Variants in CASP8 observed in about 807,000 individuals in gnomAD.
CASP8 encodes caspase 8, also known as caspase-8.
A neutral mutation model predicts 46.3 loss-of-function variants in CASP8; 24 were observed. The observed-to-expected ratio is 0.52, with a 90% CI of 0.38 to 0.73. CASP8 has a LOEUF of 0.73. Ranked by LOEUF, CASP8 falls within the 30% of genes least tolerant of loss-of-function variation. The pLI, the probability that CASP8 is intolerant of heterozygous loss-of-function variation, is 0.00. For missense variants in CASP8, 460 were observed against 559.0 expected, an observed-to-expected ratio of 0.82 and a Z score of 1.79; for synonymous variants, 188 against 200.4, an observed-to-expected ratio of 0.94 and a Z score of 0.52.
At chr2:201,253,750 AATATT>A (rs1946891157) in intron 2 of CASP8, among the ~76,000 whole-genome samples, 2 of 152,072 alleles carry the variant, frequency 1.3e-5, no homozygotes, top group Admixed American at 1.3e-4. Context: ...GTGCCTCAAG[AATATT>A]GGGGATCCTC....
chr2:201,270,687 A>T (rs998262403), intron 2 of CASP8, among the ~76,000 whole-genome samples: 3 of 151,884 alleles, frequency 2.0e-5, no homozygotes, highest in Non-Finnish European at 2.9e-5. Flanking sequence ...ATGCCACCAC[A>T]CCCGGCTAAT....
intron 2 of CASP8, among the ~76,000 whole-genome samples, chr2:201,253,974 G>A (rs1489357973): frequency 2.6e-5 from 4 of 151,894 alleles, no homozygotes; most frequent in Admixed American, 6.6e-5. Context: ...CCAGCTACTC[G>A]GGAGGCTGAG....
At position 201,271,374 on chromosome 2, in the gene CASP8, A is replaced by G. The variant is rs1371424292; in HGVS notation, c.306-142A>G. 1.4e-5 allele frequency: 10 copies of G among 698,512 alleles called. No homozygotes were observed. In the East Asian group the frequency reaches 2.7e-4, roughly 19 times the overall value. The allele number at this position is 698,512 out of a possible 1,614,324, so 43.3% of individuals were successfully genotyped here. A position where few individuals can be genotyped will look rare whatever the true frequency, so the allele number is the denominator to read the frequency against. On this transcript the variant is annotated intron_variant, in intron 2 of 8. Coordinates refer to ENST00000673742, the MANE Select transcript of CASP8 (RefSeq NM_001372051.1). ...TGTGTCACCACACCAGCCTCTTTCCAAGGGCTCAACTCATAAACCATGCCA... is the reference window on the plus strand; with the variant it reads ...TGTGTCACCACACCAGCCTCTTTCCGAGGGCTCAACTCATAAACCATGCCA...
At position 201,265,907 on chromosome 2, in the gene CASP8, G is replaced by A. The variant is rs34637372; in HGVS notation, c.-26-554G>A. Among the ~76,000 whole-genome samples, 302 of 151,764 alleles carry A rather than the reference G, an allele frequency of 2.0e-3. 3 individuals carry two copies. The highest frequency in any genetic ancestry group is 6.7e-3 in the African/African-American group (278 of 41,346). On this transcript the variant is annotated intron_variant, in intron 1 of 8. Coordinates refer to ENST00000673742, the MANE Select transcript of CASP8 (RefSeq NM_001372051.1). ...AGCCCTTCTCCCAGGCTAAGTTAAG[G>A]TTTCTTCCTCTACATCCCTACCACA...
intron 2 of CASP8, among the ~76,000 whole-genome samples, chr2:201,243,699 T>C (rs1330651098): frequency 6.6e-6 from 1 of 152,222 alleles, no homozygotes; most frequent in Non-Finnish European, 1.5e-5. Flanking sequence ...AATATCGTTA[T>C]TAATGTATTG....
At chr2:201,235,666 A>G (rs1393463394) in intron 2 of CASP8, among the ~76,000 whole-genome samples, 1 of 152,204 alleles carries the variant, frequency 6.6e-6, no homozygotes, top group South Asian at 2.1e-4. Context: ...TTGATATACA[A>G]CAAATGGCAT....
chr2:201,257,994 G>A, upstream of CASP8: 1 of 511,428 alleles, frequency 2.0e-6, no homozygotes, highest in South Asian at 2.0e-5. Context: ...TTGGAAATTG[G>A]GCATCTGTTC....
chr2:201,270,820 C>A (rs1408885791), intron 2 of CASP8, among the ~76,000 whole-genome samples: 1 of 152,216 alleles, frequency 6.6e-6, no homozygotes, highest in Non-Finnish European at 1.5e-5. Context: ...GAGGCATGAA[C>A]CACTGCACCA....
intron 7 of CASP8, among the ~76,000 whole-genome samples, chr2:201,279,296 A>T (rs150172149): frequency 7.2e-5 from 11 of 152,344 alleles, no homozygotes; most frequent in Middle Eastern, 3.4e-3. Context: ...GAGGCTCTAC[A>T]CTTCGGTGTG....
chr2:201,244,579 C>A (rs1196308728), intron 2 of CASP8, among the ~76,000 whole-genome samples: 2 of 152,150 alleles, frequency 1.3e-5, no homozygotes, highest in African/African-American at 2.4e-5. Context: ...AAAAAAGTTT[C>A]TCTTCTGTAC....
At chr2:201,258,030 C>G (rs374599916), upstream of CASP8, 2 of 603,186 alleles carry the variant, frequency 3.3e-6, no homozygotes, top group East Asian at 2.9e-5. Context: ...ATTTCTTGTT[C>G]GAGTGAGTCA....
chr2:201,284,694 C>G (rs1482858049), intron 7 of CASP8, 122 bp from the exon 8 acceptor site: 438 of 6,122 alleles, frequency 0.072, 11 homozygotes, highest in African/African-American at 0.14. Context: ...GAGAGGGAGA[C>G]GGGGAGAGGG....
At chr2:201,258,359 T>A, upstream of CASP8, 6 of 1,614,018 alleles carry the variant, frequency 3.7e-6, no homozygotes, top group Non-Finnish European at 5.1e-6. Flanking sequence ...GAGACTGCGA[T>A]GGTGCCAGGA....
intron 6 of CASP8, 27 bp from the exon 7 acceptor site, chr2:201,276,800 C>A (rs768668136): frequency 1.2e-6 from 2 of 1,613,784 alleles, no homozygotes; most frequent in Admixed American, 3.3e-5. Flanking sequence ...ACAGAGTCAG[C>A]TCCTGGGTTG....
chr2:201,286,483 G>T lies in CASP8; in HGVS notation c.1329G>T (p.Leu443=). The T allele has an allele frequency of 6.2e-7, 1 of 1,612,744 alleles. No individual in the cohort carries two copies. The highest frequency in any genetic ancestry group is 1.1e-5 in the South Asian group (1 of 91,056). Residue 443 remains leucine, a synonymous_variant, in exon 9 of 9, where the codon CTG becomes CTT. Transcript: ENST00000673742. ...CPRGDDILTI[L]TEVNYEVSNK... ...GAGGCGATGATATTCTCACCATCCT[G>T]ACTGAAGTGAACTATGAAGTAAGCA...
intron 2 of CASP8, among the ~76,000 whole-genome samples, chr2:201,253,522 G>C (rs1946881344): frequency 6.6e-6 from 1 of 151,904 alleles, no homozygotes; most frequent in Non-Finnish European, 1.5e-5. Flanking sequence ...ACTGCACAGT[G>C]CTTAACAAAT....
intron 2 of CASP8, among the ~76,000 whole-genome samples, chr2:201,252,909 G>T (rs1470960482): frequency 6.6e-6 from 1 of 152,140 alleles, no homozygotes; most frequent in African/African-American, 2.4e-5. Flanking sequence ...GGAAAAAAAA[G>T]GAATTTTCTT....
At chr2:201,258,442 G>T, upstream of CASP8, 1 of 1,604,396 alleles carries the variant, frequency 6.2e-7, no homozygotes, top group South Asian at 1.1e-5. Context: ...TTTGTTTCTT[G>T]ACTTGCTCTA....
intron 7 of CASP8, among the ~76,000 whole-genome samples, chr2:201,284,219 C>T (rs1465918347): frequency 3.3e-5 from 1 of 30,026 alleles, no homozygotes; most frequent in Non-Finnish European, 6.5e-5. Context: ...AGAGGGGCTC[C>T]TCATATCCCA....
Sources: gnomAD v4.1 joint callset for allele counts (sites outside exome capture counted in the v4.1 genomes callset) on GRCh38, gnomAD v4.1.1 for gene constraint, MANE v1.5 for transcripts, NCBI Gene and HGNC (gene_info 2026-07-23, HGNC 2026-07-21) for gene names.